KIAA1328: variants seen among roughly 807,000 people sequenced by gnomAD.
KIAA1328 encodes KIAA1328.
KIAA1328 carries 52 observed loss-of-function variants against 68.1 expected under a neutral mutation model. The ratio of observed to expected loss-of-function variants is 0.76; its 90% CI spans 0.61 to 0.96. The LOEUF is 0.96. Among genes scored for constraint, KIAA1328 ranks in the 40% least tolerant of loss-of-function variants. The pLI is 0.00. For synonymous variants in KIAA1328, 232 were observed against 239.4 expected (o/e 0.97, Z 0.28); for missense variants, 641 against 677.6 (o/e 0.95, Z 0.60).
intron 5 of KIAA1328, among the ~76,000 whole-genome samples, chr18:36,907,085 C>T (rs2049250368): frequency 6.6e-6 from 1 of 151,992 alleles, no homozygotes; most frequent in Non-Finnish European, 1.5e-5. Context: ...TTTCAGACCC[C>T]AAATTTTCAT....
At chr18:37,198,713 T>C (rs2060050675) in intron 9 of KIAA1328, among the ~76,000 whole-genome samples, 1 of 152,220 alleles carries the variant, frequency 6.6e-6, no homozygotes, top group Non-Finnish European at 1.5e-5. Context: ...GAAGAAATGA[T>C]GAGTGCCAAA....
At chr18:36,943,993 A>G (rs111559412) in intron 5 of KIAA1328, among the ~76,000 whole-genome samples, 184 of 152,332 alleles carry the variant, frequency 1.2e-3, no homozygotes, top group African/African-American at 4.3e-3. Flanking sequence ...CAGTAGTAGG[A>G]CGATAAACTT....
At chr18:37,134,675 T>C (rs1292638340) in intron 7 of KIAA1328, among the ~76,000 whole-genome samples, 3 of 152,348 alleles carry the variant, frequency 2.0e-5, no homozygotes, top group African/African-American at 4.8e-5. Context: ...CTTCATATTA[T>C]TGTGAAAATA....
intron 4 of KIAA1328, among the ~76,000 whole-genome samples, chr18:36,880,161 G>A (rs923685605): frequency 6.6e-6 from 1 of 152,144 alleles, no homozygotes; most frequent in South Asian, 2.1e-4. Context: ...GGTGGTGTAG[G>A]CACCCGAGGG....
intron 6 of KIAA1328, among the ~76,000 whole-genome samples, chr18:36,966,632 C>G (rs943114667): frequency 6.6e-6 from 1 of 151,992 alleles, no homozygotes; most frequent in African/African-American, 2.4e-5. Context: ...ATGAGTTCAG[C>G]GAGGATACAG....
At chr18:36,953,251 T>C (rs1280120586) in intron 5 of KIAA1328, among the ~76,000 whole-genome samples, 4 of 147,610 alleles carry the variant, frequency 2.7e-5, no homozygotes, top group Non-Finnish European at 6.0e-5. Context: ...TAATATATAG[T>C]GTAATATTTA....
At chr18:36,903,519 T>C (rs2049110487) in intron 5 of KIAA1328, 1 of 152,078 alleles carries the variant, frequency 6.6e-6, no homozygotes, top group Non-Finnish European at 1.5e-5. Context: ...ATGTTGGGAA[T>C]AGAAAATTTC....
In KIAA1328 at chr18:36,909,855, G is replaced by A. The variant is rs540667817; in HGVS notation, c.448+24183G>A. ...TGGTGTGAGATGGTATCTTGTTGTG[G>A]CTTTGATTTGCATTTCTCTGATGGC... On this transcript the variant is annotated intron_variant, in intron 5 of 9. Coordinates refer to ENST00000280020, the MANE Select transcript of KIAA1328 (RefSeq NM_020776.3). Among the ~76,000 whole-genome samples the A allele has an allele frequency of 4.6e-5, 7 of 152,288 alleles. No homozygotes were observed. In the South Asian group the frequency reaches 1.2e-3, roughly 27 times the overall value.
intron 1 of KIAA1328, chr18:36,833,169 G>GA (rs1202248844): frequency 1.3e-5 from 2 of 152,144 alleles, no homozygotes; most frequent in Non-Finnish European, 2.9e-5. Flanking sequence ...GTGCTGTGGA[G>GA]AAAAAATAAA....
intron 7 of KIAA1328, among the ~76,000 whole-genome samples, chr18:37,154,523 C>T (rs1182207696): frequency 1.3e-5 from 2 of 152,140 alleles, no homozygotes; most frequent in East Asian, 1.9e-4. Flanking sequence ...AGGACCTTGA[C>T]GTCCCACTTA....
At chr18:36,833,224 A>AAG (rs373768650) in intron 1 of KIAA1328, 29 of 152,312 alleles carry the variant, frequency 1.9e-4, no homozygotes, top group African/African-American at 7.0e-4. Flanking sequence ...AGGTTGTGGG[A>AAG]AGAGAGAGTT....
chr18:37,014,943 G>A (rs576726866), intron 6 of KIAA1328, among the ~76,000 whole-genome samples: 24 of 152,020 alleles, frequency 1.6e-4, no homozygotes, highest in South Asian at 4.2e-4. Context: ...TAGCTCTGTC[G>A]CCAGGCTGGA....
chr18:36,897,692 T>C (rs2048908940), intron 5 of KIAA1328, among the ~76,000 whole-genome samples: 1 of 152,076 alleles, frequency 6.6e-6, no homozygotes, highest in African/African-American at 2.4e-5. Flanking sequence ...AAGGCATCAG[T>C]GAGACAGGCT....
In KIAA1328 at chr18:37,223,573, C is replaced by T. The variant is rs2060601154; in HGVS notation, c.*1346C>T. 2.0e-6 allele frequency: 2 copies of T among 985,168 alleles called. No individual in the cohort carries two copies. Among genetic ancestry groups the T allele is most frequent in the African/African-American group, 3.5e-5 (2 of 57,196 alleles). The allele number at this position is 985,168 out of a possible 1,614,324, so 61.0% of individuals were successfully genotyped here. ...ATCTGGAGGGTGTGGCTTTTTTTCT[C>T]TCCTTTTTACCAACCCCAACTAAAC... On this transcript the variant is annotated 3_prime_UTR_variant, in exon 10 of 10. Coordinates refer to ENST00000280020, the MANE Select transcript of KIAA1328 (RefSeq NM_020776.3).
intron 6 of KIAA1328, among the ~76,000 whole-genome samples, chr18:37,023,943 A>G (rs984354699): frequency 1.4e-4 from 22 of 152,094 alleles, no homozygotes; most frequent in South Asian, 4.1e-4. Flanking sequence ...TAGTTTTTCA[A>G]TCTTCACTCT....
At chr18:36,990,411 A>G (rs2053126261) in intron 6 of KIAA1328, among the ~76,000 whole-genome samples, 1 of 152,046 alleles carries the variant, frequency 6.6e-6, no homozygotes, top group Non-Finnish European at 1.5e-5. Context: ...ATGGTGGCTC[A>G]TGCCTGTAAT....
chr18:37,212,860 A>G (rs1322655491), intron 9 of KIAA1328, among the ~76,000 whole-genome samples: 1 of 152,148 alleles, frequency 6.6e-6, no homozygotes, highest in Non-Finnish European at 1.5e-5. Flanking sequence ...AGCTGGGACT[A>G]CAGGCACGAG....
rs569299616 is a variant in KIAA1328, at chr18:37,154,402, T to A, written c.1233-5798T>A. On this transcript the variant is annotated intron_variant, in intron 7 of 9. Transcript: ENST00000280020. ...ATTTGATAAACAACAGAGAGAGGAG[T>A]GCCAGCATTTTTCTTGCATATCTCT... Among the ~76,000 whole-genome samples the A allele has an allele frequency of 7.2e-5, 11 of 152,206 alleles. No individual in the cohort carries two copies. The South Asian group carries it at 2.1e-3, about 29-fold the overall frequency.
rs56237948 is a variant in KIAA1328, at chr18:37,041,640, TTGTGTGTGTGTGTG to T, written c.577-25226_577-25213del. On this transcript the variant is annotated intron_variant, in intron 6 of 9. Coordinates refer to ENST00000280020, the MANE Select transcript of KIAA1328 (RefSeq NM_020776.3). ...TCCTTCCTTACTGCCTTTTTTGTGTTTGTGTGTGTGTGTGTGTGTGTGTGTGTGTGTGTGTGTAT... is the reference window on the plus strand; with the variant it reads ...TCCTTCCTTACTGCCTTTTTTGTGTTTGTGTGTGTGTGTGTGTGTGTGTAT... Among the ~76,000 whole-genome samples the T allele has an allele frequency of 6.5e-4, 96 of 147,014 alleles. No individual in the cohort carries two copies. The South Asian group carries it at 0.015, about 22-fold the overall frequency.
Sources: gnomAD v4.1 joint callset for allele counts (sites outside exome capture counted in the v4.1 genomes callset) on GRCh38, gnomAD v4.1.1 for gene constraint, MANE v1.5 for transcripts, NCBI Gene and HGNC (gene_info 2026-07-23, HGNC 2026-07-21) for gene names.